The following TMEM132D variants were observed in gnomAD, a reference collection of about 807,000 sequenced individuals.
The protein encoded by TMEM132D is mature OL transmembrane protein.
TMEM132D carries 21 observed loss-of-function variants against 62.3 expected under a neutral mutation model. The observed-to-expected ratio is 0.34, with a 90% CI of 0.24 to 0.49. The LOEUF (loss-of-function observed/expected upper bound fraction) is 0.49, where lower values mean the gene tolerates loss of function less well. TMEM132D is among the 20% of genes least tolerant of loss of function. The probability of loss-of-function intolerance (pLI) is 0.99; values close to 1 mark genes in which losing one functional copy is unlikely to be tolerated. For synonymous variants in TMEM132D, 621 were observed against 575.6 expected, an observed-to-expected ratio of 1.08 and a Z score of -1.13; for missense variants, 1,346 against 1,402.8, an observed-to-expected ratio of 0.96 and a Z score of 0.65.
chr12:129,792,472 A>G (rs1808320540), intron 1 of TMEM132D, among the ~76,000 whole-genome samples: 1 of 152,192 alleles, frequency 6.6e-6, no homozygotes, highest in African/African-American at 2.4e-5. Flanking sequence ...ATCACTGAGT[A>G]TTTATTCCAT....
intron 5 of TMEM132D, among the ~76,000 whole-genome samples, chr12:129,119,055 A>T (rs1232197073): frequency 2.0e-5 from 3 of 152,164 alleles, no homozygotes; most frequent in African/African-American, 7.2e-5. Flanking sequence ...CTTGCCTTTT[A>T]AGCATTTTCC....
In TMEM132D at chr12:129,827,911, G is replaced by A. The variant is rs1425736887; in HGVS notation, c.79+75350C>T. Among the ~76,000 whole-genome samples, 1 of 152,124 alleles carries A rather than the reference G, an allele frequency of 6.6e-6. No homozygotes were observed. The highest frequency in any genetic ancestry group is 1.5e-5 in the Non-Finnish European group (1 of 68,024). ...AAAACCATAATCTTCCTAAAGAAAT[G>A]GGCCACATGTTTGTTTATATTAATG... On this transcript the variant is annotated intron_variant, in intron 1 of 8. Coordinates refer to ENST00000422113, the MANE Select transcript of TMEM132D (RefSeq NM_133448.3). The surrounding 1 kb of genome is among the most constrained non-coding windows in gnomAD (Gnocchi z 9.7).
chr12:129,309,789 T>G (rs2135634016), intron 4 of TMEM132D, among the ~76,000 whole-genome samples: 1 of 151,998 alleles, frequency 6.6e-6, no homozygotes, highest in South Asian at 2.1e-4. Context: ...GTTGAATAAG[T>G]GTGGGTGGTC....
intron 3 of TMEM132D, among the ~76,000 whole-genome samples, chr12:129,495,177 C>T (rs1017982160): frequency 6.6e-6 from 1 of 151,690 alleles, no homozygotes; most frequent in African/African-American, 2.4e-5. Context: ...AATACAAAAG[C>T]TTGGCTCATC....
chr12:129,290,190 A>G (rs1881411712), intron 4 of TMEM132D, among the ~76,000 whole-genome samples: 1 of 152,148 alleles, frequency 6.6e-6, no homozygotes. Context: ...AAGAGAGTCA[A>G]TGTTTTTCCT....
At chr12:129,887,917 C>T (rs148835000) in intron 1 of TMEM132D, among the ~76,000 whole-genome samples, 2 of 152,180 alleles carry the variant, frequency 1.3e-5, no homozygotes, top group African/African-American at 2.4e-5. Context: ...CAGAACTTAA[C>T]GAGATAAGGC....
At chr12:129,768,856 T>C (rs896453943) in intron 1 of TMEM132D, among the ~76,000 whole-genome samples, 3 of 152,230 alleles carry the variant, frequency 2.0e-5, no homozygotes, top group East Asian at 1.9e-4. Flanking sequence ...CATCAGGTGA[T>C]ACAGATATAT....
At chr12:129,539,358 A>G (rs1332066847) in intron 2 of TMEM132D, among the ~76,000 whole-genome samples, 1 of 150,774 alleles carries the variant, frequency 6.6e-6, no homozygotes, top group East Asian at 1.9e-4. Context: ...CAGCTTCCCA[A>G]GTAGCCGGGA....
intron 3 of TMEM132D, among the ~76,000 whole-genome samples, chr12:129,389,185 C>G (rs1280385059): frequency 6.6e-6 from 1 of 151,954 alleles, no homozygotes; most frequent in African/African-American, 2.4e-5. Flanking sequence ...AATATTAATA[C>G]AAGCACTATC....
intron 1 of TMEM132D, among the ~76,000 whole-genome samples, chr12:129,865,695 A>G (rs1438957914): frequency 6.6e-6 from 1 of 152,248 alleles, no homozygotes; most frequent in Non-Finnish European, 1.5e-5. Context: ...TACTGAACGC[A>G]TCGCAACTGA....
chr12:129,836,495 A>AGTGTGTGT lies in TMEM132D; in HGVS notation c.79+66758_79+66765dup, dbSNP rs3046909. Among the ~76,000 whole-genome samples, 93 of 150,906 alleles carry AGTGTGTGT rather than the reference A, an allele frequency of 6.2e-4. No homozygotes were observed. In the East Asian group the frequency reaches 6.8e-3, roughly 11 times the overall value. On this transcript the variant is annotated intron_variant, in intron 1 of 8. Transcript: ENST00000422113. ...ATTGCTTGTGTCTCCAGGAATGCAG[A>AGTGTGTGT]GTGTGTGTGTGTGTGTGTGTGCGCG...
chr12:129,234,826 T>C (rs1009167931), intron 4 of TMEM132D, among the ~76,000 whole-genome samples: 1 of 152,148 alleles, frequency 6.6e-6, no homozygotes, highest in Non-Finnish European at 1.5e-5. Flanking sequence ...GTGGGTGAAA[T>C]CCATTATCTT....
At chr12:129,443,865 C>A (rs1018451580) in intron 3 of TMEM132D, among the ~76,000 whole-genome samples, 1 of 152,024 alleles carries the variant, frequency 6.6e-6, no homozygotes, top group Non-Finnish European at 1.5e-5. Context: ...GCCACGTGGC[C>A]CAAATGACTG....
chr12:129,883,155 TCA>T (rs1772715369), intron 1 of TMEM132D, among the ~76,000 whole-genome samples: 1 of 152,108 alleles, frequency 6.6e-6, no homozygotes, highest in South Asian at 2.1e-4. Context: ...AACAGATGTC[TCA>T]CAAAAAAATT....
intron 3 of TMEM132D, among the ~76,000 whole-genome samples, chr12:129,370,535 G>C (rs1183775945): frequency 6.6e-6 from 1 of 152,120 alleles, no homozygotes; most frequent in East Asian, 1.9e-4. Context: ...TCCAGCCTTA[G>C]TGTTGAAGGT....
intron 5 of TMEM132D, among the ~76,000 whole-genome samples, chr12:129,177,673 G>T (rs758340482): frequency 6.6e-6 from 1 of 152,192 alleles, no homozygotes; most frequent in Non-Finnish European, 1.5e-5. Flanking sequence ...CGGGAGGATT[G>T]CTTGCACCCA....
intron 1 of TMEM132D, among the ~76,000 whole-genome samples, chr12:129,716,528 T>C (rs1447337502): frequency 6.6e-6 from 1 of 152,164 alleles, no homozygotes; most frequent in Non-Finnish European, 1.5e-5. Flanking sequence ...AACGCCAAAA[T>C]GAATCCTAAT....
At chr12:129,354,207 G>T (rs1464602378) in intron 3 of TMEM132D, among the ~76,000 whole-genome samples, 1 of 151,942 alleles carries the variant, frequency 6.6e-6, no homozygotes, top group Non-Finnish European at 1.5e-5. Context: ...CTCCTCAGCA[G>T]ACCTCAAGGC....
rs113942893 is a variant in TMEM132D, at chr12:129,827,141, A to G, written c.79+76120T>C. 7.1e-3 allele frequency among the ~76,000 whole-genome samples: 1,087 copies of G among 152,342 alleles called. 21 individuals carry two copies. Among genetic ancestry groups the G allele is most frequent in the African/African-American group, 0.025 (1,028 of 41,578 alleles). ...ATAACAATCACTCTTAATAATAGCA[A>G]TTAATAATTAAGCGCGTCTCTATAT... On this transcript the variant is annotated intron_variant, in intron 1 of 8. Coordinates refer to ENST00000422113, the MANE Select transcript of TMEM132D (RefSeq NM_133448.3). This position sits in a 1 kb window ranked among gnomAD's most constrained non-coding sequence, Gnocchi z 9.7.
Sources: gnomAD v4.1 joint callset for allele counts (sites outside exome capture counted in the v4.1 genomes callset) on GRCh38, gnomAD v4.1.1 for gene constraint, Gnocchi (gnomAD v3.1) non-coding constraint, MANE v1.5 for transcripts, NCBI Gene and HGNC (gene_info 2026-07-23, HGNC 2026-07-21) for gene names.